DHRS4L2: variants seen among roughly 807,000 people sequenced by gnomAD.
DHRS4L2 encodes dehydrogenase/reductase SDR family member 4-like 2.
Under a neutral mutation model 23.9 loss-of-function variants are expected in DHRS4L2, and 22 were observed. The ratio of observed to expected loss-of-function variants is 0.92; its 90% CI spans 0.66 to 1.31. DHRS4L2 has a LOEUF of 1.31. Ranked by LOEUF, DHRS4L2 falls within the 40% of genes most tolerant of loss-of-function variation. DHRS4L2 has a pLI of 0.00. For missense variants in DHRS4L2, 385 were observed against 303.3 expected, an observed-to-expected ratio of 1.27 and a Z score of -2.00; for synonymous variants, 141 against 123.7, an observed-to-expected ratio of 1.14 and a Z score of -0.93.
upstream of DHRS4L2, among the ~76,000 whole-genome samples, chr14:23,987,778 G>A (rs372135006): frequency 4.4e-4 from 67 of 151,906 alleles, no homozygotes; most frequent in East Asian, 9.6e-3. Context: ...CTTTGAACTA[G>A]TGAAAACGCT....
chr14:24,000,967 G>A, intron 4 of DHRS4L2, 34 bp downstream of exon 4: 1 of 1,611,416 alleles, frequency 6.2e-7, no homozygotes. Context: ...GGGTGAGAGG[G>A]GACCCCACAC....
intron 1 of DHRS4L2, among the ~76,000 whole-genome samples, chr14:23,970,618 G>C (rs1400469169): frequency 6.6e-6 from 1 of 152,086 alleles, no homozygotes. Flanking sequence ...GACAGCAGTG[G>C]TTCTCCCAGC....
intron 2 of DHRS4L2, among the ~76,000 whole-genome samples, chr14:23,992,010 C>T (rs1384249192): frequency 6.6e-6 from 1 of 151,554 alleles, no homozygotes; most frequent in Non-Finnish European, 1.5e-5. Flanking sequence ...GCTGGGATTA[C>T]AGGCGTGAGC....
chr14:23,970,278 C>T (rs1269649715), exon 1 of DHRS4L2: 2 of 450,454 alleles, frequency 4.4e-6, no homozygotes, highest in Admixed American at 2.4e-5. Flanking sequence ...CCCTGCATCT[C>T]AGTCCTGACA....
At position 23,981,955 on chromosome 14, in the gene DHRS4L2, C is replaced by T. The variant is rs1435016129; in HGVS notation, c.-175-8227C>T. Among the ~76,000 whole-genome samples, 2 of 151,686 alleles carry T rather than the reference C, an allele frequency of 1.3e-5. 1 individual carries two copies. Among genetic ancestry groups the T allele is most frequent in the Non-Finnish European group, 2.9e-5 (2 of 67,936 alleles). On this transcript the variant is annotated intron_variant, in intron 1 of 5. Transcript: ENST00000534993. ...ACTCAGAATTGAACAAATGTACAAT[C>T]GTGTTTTATACCAAGACACTCAGTT...
chr14:23,974,803 C>T (rs1361264792), intron 1 of DHRS4L2, among the ~76,000 whole-genome samples: 6 of 151,852 alleles, frequency 4.0e-5, no homozygotes, highest in South Asian at 4.2e-4. Flanking sequence ...GATTCATAGC[C>T]GAATTCTACC....
At chr14:23,969,984 G>C (rs1388371613) in exon 1 of DHRS4L2, 1 of 454,972 alleles carries the variant, frequency 2.2e-6, no homozygotes, top group South Asian at 1.5e-5. Context: ...TCGCCTCTGC[G>C]GCAGCCCTCA....
chr14:23,982,945 G>C (rs981687512), intron 1 of DHRS4L2, among the ~76,000 whole-genome samples: 11 of 151,294 alleles, frequency 7.3e-5, no homozygotes, highest in African/African-American at 2.4e-4. Flanking sequence ...GAAAACCTAG[G>C]CCATACCATT....
At chr14:23,987,065 A>C (rs1376041615), upstream of DHRS4L2, among the ~76,000 whole-genome samples, 3 of 151,592 alleles carry the variant, frequency 2.0e-5, no homozygotes, top group African/African-American at 7.3e-5. Flanking sequence ...AAAACACTAG[A>C]AATCCAGTGC....
At chr14:23,995,875 G>C (rs28548519) in intron 3 of DHRS4L2, among the ~76,000 whole-genome samples, 18,651 of 151,576 alleles carry the variant, frequency 0.12, 1,506 homozygotes, top group East Asian at 0.28. Context: ...GTTTTACACT[G>C]ATGTTGTATT....
chr14:23,993,631 C>G (rs149436841), intron 2 of DHRS4L2, among the ~76,000 whole-genome samples: 72 of 151,410 alleles, frequency 4.8e-4, no homozygotes, highest in East Asian at 2.8e-3. Context: ...CTCTAGCACA[C>G]GCCTCACTAT....
intron 2 of DHRS4L2, among the ~76,000 whole-genome samples, chr14:23,993,009 G>A (rs1489293685): frequency 6.8e-6 from 1 of 147,698 alleles, no homozygotes; most frequent in Admixed American, 6.8e-5. Context: ...TGCTGTCTCT[G>A]TTCAATCAAA....
Position 23,990,260 on chromosome 14 carries a change from G to T in DHRS4L2, c.207G>T (p.Val69=), listed in dbSNP as rs747160452. 5.6e-6 allele frequency: 9 copies of T among 1,612,792 alleles called. No homozygotes were observed. The South Asian group carries it at 9.9e-5, about 18-fold the overall frequency. The change falls in exon 2 of 8, where the codon GTG becomes GTT. Residue 69 remains valine, a synonymous_variant. Transcript: ENST00000335125. Reference sequence around the variant, plus strand: ...TCAGCAGCCGGAAGCAGCAGAATGTGGACCAGGCGGTGGCCACGCTGCAGG... The same window carrying T: ...TCAGCAGCCGGAAGCAGCAGAATGTTGACCAGGCGGTGGCCACGCTGCAGG... ...VVVSSRKQQN[V]DQAVATLQGE... is the part of the protein sequence containing the mutation.
chr14:23,994,918 T>C (rs2034347978), intron 2 of DHRS4L2, 114 bp from the exon 3 acceptor site: 1 of 1,319,922 alleles, frequency 7.6e-7, no homozygotes, highest in Non-Finnish European at 1.1e-6. Flanking sequence ...CAAAGTGCTA[T>C]GATTACAGGC....
intron 1 of DHRS4L2, among the ~76,000 whole-genome samples, chr14:23,981,271 G>A (rs762172331): frequency 6.6e-6 from 1 of 151,534 alleles, no homozygotes; most frequent in Non-Finnish European, 1.5e-5. Flanking sequence ...TCTTCAAGGA[G>A]AACTACAAAC....
chr14:23,997,568 C>T (rs1242566978), intron 3 of DHRS4L2, among the ~76,000 whole-genome samples: 1 of 145,296 alleles, frequency 6.9e-6, no homozygotes, highest in Non-Finnish European at 1.5e-5. Context: ...GTTGTGATTT[C>T]AACAATATTC....
intron 2 of DHRS4L2, 61 bp downstream of exon 2, chr14:23,990,420 C>T (rs2034247387): frequency 2.6e-6 from 4 of 1,537,592 alleles, no homozygotes; most frequent in Admixed American, 2.1e-5. Context: ...GCCTGAGCCT[C>T]CTTCCCTGCT....
intron 1 of DHRS4L2, among the ~76,000 whole-genome samples, chr14:23,983,004 A>G (rs2034079758): frequency 6.6e-6 from 1 of 151,620 alleles, no homozygotes; most frequent in African/African-American, 2.4e-5. Flanking sequence ...ACCAAAAGCA[A>G]TGGCAACGAA....
At chr14:23,992,296 T>C (rs561421681) in intron 2 of DHRS4L2, among the ~76,000 whole-genome samples, 6 of 151,446 alleles carry the variant, frequency 4.0e-5, no homozygotes, top group Admixed American at 1.3e-4. Flanking sequence ...CCAAGAGACA[T>C]TTAGTGGAAA....
Sources: allele counts gnomAD v4.1 joint callset (sites outside exome capture counted in the v4.1 genomes callset), GRCh38; gene constraint gnomAD v4.1.1; transcripts MANE v1.5; gene names NCBI Gene and HGNC (gene_info 2026-07-23, HGNC 2026-07-21).